The following PPP2R3A variants were observed in gnomAD, a reference collection of about 807,000 sequenced individuals.
PPP2R3A encodes serine/threonine-protein phosphatase 2A regulatory subunit B'' subunit alpha.
In PPP2R3A, 80 loss-of-function variants were observed where a neutral mutation model predicts 106.9. That is an observed-to-expected ratio of 0.75 (90% CI 0.62 to 0.90). PPP2R3A has a LOEUF of 0.90. Ranked by LOEUF, PPP2R3A falls within the 40% of genes least tolerant of loss-of-function variation. PPP2R3A has a pLI of 0.00. For synonymous variants in PPP2R3A, 483 were observed against 468.3 expected, an observed-to-expected ratio of 1.03 and a Z score of -0.41; for missense variants, 1,386 against 1,350.4, an observed-to-expected ratio of 1.03 and a Z score of -0.41.
At chr3:136,040,747 G>T (rs1935238553) in intron 3 of PPP2R3A, 112 bp from the exon 4 acceptor site, 4 of 760,270 alleles carry the variant, frequency 5.3e-6, no homozygotes, top group Non-Finnish European at 8.1e-6. Flanking sequence ...TTCTCCTGAG[G>T]GCTCTTCCAT....
intron 9 of PPP2R3A, among the ~76,000 whole-genome samples, chr3:136,089,846 T>C (rs560603806): frequency 6.6e-6 from 1 of 152,216 alleles, no homozygotes; most frequent in Admixed American, 6.5e-5. Context: ...TTCCTAGGTA[T>C]TTTATTTTGT....
chr3:136,054,407 C>T (rs369987520), intron 5 of PPP2R3A, among the ~76,000 whole-genome samples: 34 of 152,064 alleles, frequency 2.2e-4, no homozygotes, highest in African/African-American at 5.3e-4. Context: ...TACAGGCACG[C>T]GCCACCACAC....
chr3:135,969,010 A>T (rs771913598), intron 1 of PPP2R3A, among the ~76,000 whole-genome samples: 2 of 152,196 alleles, frequency 1.3e-5, no homozygotes, highest in Non-Finnish European at 2.9e-5. Context: ...TGCTACGAAT[A>T]TGCTGTTTCA....
chr3:136,087,266 T>G (rs1053172313), intron 8 of PPP2R3A, among the ~76,000 whole-genome samples: 5 of 146,978 alleles, frequency 3.4e-5, no homozygotes, highest in African/African-American at 1.3e-4. Context: ...TCTCTCTCTC[T>G]CTCTCTCTCT....
intron 13 of PPP2R3A, among the ~76,000 whole-genome samples, chr3:136,129,782 C>T (rs866270854): frequency 2.0e-5 from 3 of 152,214 alleles, no homozygotes; most frequent in Middle Eastern, 3.4e-3. Context: ...ACTGGCAGGC[C>T]GAACCCAGCA....
chr3:136,023,634 AATGTTTGTTTAAAAAGT>A (rs1235141208), intron 2 of PPP2R3A, among the ~76,000 whole-genome samples: 1 of 152,156 alleles, frequency 6.6e-6, no homozygotes, highest in Admixed American at 6.6e-5. Context: ...ATCTGTAACA[AATGTTTGTTTAAAAAGT>A]ATGTTAATCC....
At chr3:136,144,419 G>A (rs1477886631) in intron 13 of PPP2R3A, among the ~76,000 whole-genome samples, 2 of 152,036 alleles carry the variant, frequency 1.3e-5, no homozygotes, top group Admixed American at 1.3e-4. Flanking sequence ...CCAGCACTTT[G>A]AGAGGCCAAA....
rs951562595 is a variant in PPP2R3A, at chr3:136,035,505, A to G, written c.2263-5354A>G. On this transcript the variant is annotated intron_variant, in intron 3 of 13. Coordinates refer to ENST00000264977, the MANE Select transcript of PPP2R3A (RefSeq NM_002718.5). ...TATGAAGCTTAGTTTTGCTGGATACAAAATTTTGGCTGATAATTGTTTTGT... is the reference window on the plus strand; with the variant it reads ...TATGAAGCTTAGTTTTGCTGGATACGAAATTTTGGCTGATAATTGTTTTGT... 1.6e-4 allele frequency among the ~76,000 whole-genome samples: 24 copies of G among 152,228 alleles called. 1 individual carries two copies. Among genetic ancestry groups the G allele is most frequent in the Non-Finnish European group, 1.3e-4 (9 of 68,040 alleles).
chr3:136,099,548 A>G (rs1201191797), intron 10 of PPP2R3A, among the ~76,000 whole-genome samples: 2 of 152,142 alleles, frequency 1.3e-5, no homozygotes, highest in Non-Finnish European at 2.9e-5. Context: ...TCAAAACTAC[A>G]ATAGCAGAAA....
chr3:136,005,749 G>A (rs1388455343), intron 2 of PPP2R3A, among the ~76,000 whole-genome samples: 1 of 151,974 alleles, frequency 6.6e-6, no homozygotes, highest in Admixed American at 6.6e-5. Context: ...TGTCATAAGA[G>A]CTACCAGTTA....
chr3:136,115,294 A>G (rs1937700875), intron 13 of PPP2R3A, among the ~76,000 whole-genome samples: 1 of 152,190 alleles, frequency 6.6e-6, no homozygotes, highest in South Asian at 2.1e-4. Context: ...ATGGGGAGAA[A>G]CTAGTGCAAA....
chr3:136,126,863 C>A (rs112316893), intron 13 of PPP2R3A, among the ~76,000 whole-genome samples: 7,331 of 152,240 alleles, frequency 0.048, 569 homozygotes, highest in African/African-American at 0.16. Flanking sequence ...GGTGATACCC[C>A]GGCAAACAGA....
At chr3:136,091,200 G>A (rs540924200) in intron 10 of PPP2R3A, among the ~76,000 whole-genome samples, 2 of 152,234 alleles carry the variant, frequency 1.3e-5, no homozygotes, top group South Asian at 4.1e-4. Flanking sequence ...TCCCTACTTT[G>A]TGTAACACAA....
At chr3:136,025,557 A>C (rs1457157695) in intron 2 of PPP2R3A, among the ~76,000 whole-genome samples, 1 of 152,122 alleles carries the variant, frequency 6.6e-6, no homozygotes, top group Non-Finnish European at 1.5e-5. Context: ...AATAAATCTT[A>C]TCTCTTTATA....
intron 5 of PPP2R3A, among the ~76,000 whole-genome samples, chr3:136,050,971 T>TAG (rs1046132748): frequency 5.3e-5 from 8 of 152,154 alleles, no homozygotes; most frequent in East Asian, 1.9e-4. Flanking sequence ...GTTAAGGTTT[T>TAG]AGAGAGAGAG....
chr3:136,086,056 G>C (rs1256640263), intron 8 of PPP2R3A, among the ~76,000 whole-genome samples: 1 of 152,034 alleles, frequency 6.6e-6, no homozygotes, highest in Non-Finnish European at 1.5e-5. Context: ...CCTGAACCTG[G>C]GGAAGTTGAG....
intron 9 of PPP2R3A, 21 bp from the exon 10 acceptor site, chr3:136,090,557 A>T: frequency 6.3e-7 from 1 of 1,589,612 alleles, no homozygotes; most frequent in Non-Finnish European, 8.6e-7. Flanking sequence ...AGGAAATTTT[A>T]TAACCATGTG....
At position 136,000,743 on chromosome 3, in the gene PPP2R3A, G is replaced by A. The variant is rs190398045; in HGVS notation, c.-440-316G>A. Among the ~76,000 whole-genome samples, 81 of 152,292 alleles carry A rather than the reference G, an allele frequency of 5.3e-4. 1 individual carries two copies. In the East Asian group the frequency reaches 0.014, roughly 27 times the overall value. On this transcript the variant is annotated intron_variant, in intron 1 of 13. Transcript: ENST00000264977. The stretch of plus-strand genomic sequence containing the variant: ...GCTGTGATCCATGAGGAAATCAGAA[G>A]TGTGAATTTTTAAGCTGTGAGGGAT...
chr3:136,018,118 T>C (rs1230088175), intron 2 of PPP2R3A, among the ~76,000 whole-genome samples: 4 of 152,076 alleles, frequency 2.6e-5, no homozygotes, highest in Non-Finnish European at 5.9e-5. Context: ...AATACAAAAA[T>C]TAGCTGGGCA....
Sources: allele counts gnomAD v4.1 joint callset (sites outside exome capture counted in the v4.1 genomes callset), GRCh38; gene constraint gnomAD v4.1.1; transcripts MANE v1.5; gene names NCBI Gene and HGNC (gene_info 2026-07-23, HGNC 2026-07-21).